The following PLPP4 variants were observed in gnomAD, a reference collection of about 807,000 sequenced individuals.
PLPP4 encodes phospholipid phosphatase 4.
In PLPP4, 20 loss-of-function variants were observed where a neutral mutation model predicts 32.2. The observed-to-expected ratio is 0.62, with a 90% CI of 0.44 to 0.90. PLPP4 has a LOEUF of 0.90. Ranked by LOEUF, PLPP4 falls within the 40% of genes least tolerant of loss-of-function variation. PLPP4 has a pLI of 0.00. For synonymous variants in PLPP4, 127 were observed against 133.0 expected (o/e 0.95, Z 0.31); for missense variants, 257 against 353.1 (o/e 0.73, Z 2.18).
chr10:120,462,553 C>T (rs947932553), intron 1 of PLPP4, among the ~76,000 whole-genome samples: 3 of 152,194 alleles, frequency 2.0e-5, no homozygotes, highest in Non-Finnish European at 4.4e-5. Flanking sequence ...TCCCCTGCTC[C>T]CAGCCTAGCC....
intron 1 of PLPP4, among the ~76,000 whole-genome samples, chr10:120,466,500 C>G (rs923467038): frequency 6.6e-6 from 1 of 152,140 alleles, no homozygotes; most frequent in Non-Finnish European, 1.5e-5. Context: ...AAAGAGCACA[C>G]GCTTTACGGC....
rs1236992290 is a variant in PLPP4 at position 120,591,341 on chromosome 10, T to A, written c.*1839T>A. 6.6e-6 allele frequency among the ~76,000 whole-genome samples: 1 copy of A among 151,782 alleles called. No homozygotes were observed. The highest frequency in any genetic ancestry group is 1.5e-5 in the Non-Finnish European group (1 of 67,950). On this transcript the variant is annotated 3_prime_UTR_variant, in exon 7 of 7. Transcript: ENST00000398250. ...TCATGTGATTGTCCCCTGGATGGAG[T>A]GGGAGAGGGGGAGGCTTGAATTGAC...
chr10:120,579,152 G>C (rs1849361854), intron 6 of PLPP4, among the ~76,000 whole-genome samples: 1 of 152,132 alleles, frequency 6.6e-6, no homozygotes, highest in Non-Finnish European at 1.5e-5. Flanking sequence ...TCAAGTCCCT[G>C]CACCTGAAAC....
chr10:120,507,406 C>CA (rs1246540696), intron 2 of PLPP4, among the ~76,000 whole-genome samples: 2 of 150,820 alleles, frequency 1.3e-5, no homozygotes, highest in Middle Eastern at 3.2e-3. Context: ...TCATCATCAA[C>CA]AACAGTAAAC....
rs771277249 is a variant in PLPP4, at chr10:120,575,186, C to G, written c.501C>G (p.Cys167Trp). ...TCTACTTGGCGGGCAAGCTGCACTG[C>G]TTCACCGAGAGTGGGCGGGGAAAGA... The part of the protein sequence containing the change: ...TTFYLAGKLH[C>W]FTESGRGKSW... Residue 167 changes from cysteine to tryptophan, a missense_variant, in exon 6 of 7, where the codon TGC (cysteine) becomes TGG (tryptophan). Physicochemically the swap from Cys to Trp is radical, Grantham distance 215. Coordinates refer to ENST00000398250, the MANE Select transcript of PLPP4 (RefSeq NM_001030059.3). The G allele has an allele frequency of 7.4e-6, 12 of 1,614,026 alleles. No individual in the cohort carries two copies. The highest frequency in any genetic ancestry group is 1.0e-5 in the Non-Finnish European group (12 of 1,180,036).
At position 120,467,387 on chromosome 10, in the gene PLPP4, G is replaced by T. The variant is rs1312902773; in HGVS notation, c.56+10026G>T. ...TTACAGGCGTGAGCCACCGCGCCCG[G>T]CCTGTGTAGGTATATTTTAATTGAC... On this transcript the variant is annotated intron_variant, in intron 1 of 6. Transcript: ENST00000398250. Among the ~76,000 whole-genome samples the T allele has an allele frequency of 3.6e-4, 23 of 64,548 alleles. 8 individuals are homozygous for T. Among genetic ancestry groups the T allele is most frequent in the African/African-American group, 7.6e-4 (23 of 30,174 alleles). 42.3% of individuals were successfully genotyped at this position (64,548 alleles called of 152,430 possible). A position where few individuals can be genotyped will look rare whatever the true frequency, so the allele number is the denominator to read the frequency against.
chr10:120,501,934 C>G (rs1428136209), intron 1 of PLPP4, among the ~76,000 whole-genome samples: 1 of 152,160 alleles, frequency 6.6e-6, no homozygotes, highest in Non-Finnish European at 1.5e-5. Flanking sequence ...TGGAGTAGCT[C>G]AGTTGGTGAG....
At chr10:120,509,571 T>C (rs189470293) in intron 2 of PLPP4, among the ~76,000 whole-genome samples, 6 of 152,214 alleles carry the variant, frequency 3.9e-5, no homozygotes, top group African/African-American at 1.4e-4. Flanking sequence ...ACTAAAGCTT[T>C]TGGGCTAAGG....
At chr10:120,518,773 T>C (rs570718715) in intron 3 of PLPP4, 60 bp from the exon 4 acceptor site, 129 of 1,275,370 alleles carry the variant, frequency 1.0e-4, no homozygotes, top group Non-Finnish European at 1.4e-4. Context: ...ATAATGATGA[T>C]GATGATTTTG....
rs112038172 is a variant in PLPP4 at position 120,535,862 on chromosome 10, G to A, written c.445+14767G>A. On this transcript the variant is annotated intron_variant, in intron 5 of 6. Coordinates refer to ENST00000398250, the MANE Select transcript of PLPP4 (RefSeq NM_001030059.3). ...TAAATTATAAAGGGATTGGATAGCA[G>A]CTATTTTGTGTGGTTTTCTTTTATT... Among the ~76,000 whole-genome samples the A allele has an allele frequency of 7.7e-3, 1,166 of 152,162 alleles. 15 individuals are homozygous for A. The highest frequency in any genetic ancestry group is 0.027 in the African/African-American group (1,126 of 41,542).
chr10:120,507,382 CATCATT>C (rs1564803383), intron 2 of PLPP4, among the ~76,000 whole-genome samples: 25 of 130,664 alleles, frequency 1.9e-4, no homozygotes, highest in South Asian at 1.8e-3. Flanking sequence ...TCATCATCAT[CATCATT>C]ATCATCATCA....
In PLPP4 at chr10:120,568,637, A is replaced by G. The variant is rs61871758; in HGVS notation, c.446-6494A>G. On this transcript the variant is annotated intron_variant, in intron 5 of 6. Coordinates refer to ENST00000398250, the MANE Select transcript of PLPP4 (RefSeq NM_001030059.3). ...CTCATTAAAATATCATCTTTATTTC[A>G]AACCTGCTCATGCTCATATCAGCTC... Among the ~76,000 whole-genome samples, 514 of 152,336 alleles carry G rather than the reference A, an allele frequency of 3.4e-3. 3 individuals carry two copies. The highest frequency in any genetic ancestry group is 3.8e-3 in the Non-Finnish European group (261 of 68,028).
intron 5 of PLPP4, among the ~76,000 whole-genome samples, chr10:120,544,213 A>C (rs769626048): frequency 2.0e-5 from 3 of 152,236 alleles, no homozygotes; most frequent in Non-Finnish European, 4.4e-5. Context: ...CCGCAGCTGC[A>C]TCATTTTACA....
chr10:120,512,524 A>G (rs191896850), intron 2 of PLPP4, among the ~76,000 whole-genome samples: 1 of 152,340 alleles, frequency 6.6e-6, no homozygotes, highest in African/African-American at 2.4e-5. Flanking sequence ...AGTCCCCGAG[A>G]TAATTTGAGC....
chr10:120,482,722 G>T (rs1459388899), intron 1 of PLPP4, among the ~76,000 whole-genome samples: 1 of 151,672 alleles, frequency 6.6e-6, no homozygotes, highest in East Asian at 1.9e-4. Flanking sequence ...GGCGAACAGG[G>T]TGAAACCCTG....
intron 1 of PLPP4, among the ~76,000 whole-genome samples, chr10:120,460,282 A>G (rs1399173109): frequency 6.6e-6 from 1 of 152,224 alleles, no homozygotes; most frequent in African/African-American, 2.4e-5. Context: ...TGGGCAGAGC[A>G]GGAAGGAGAA....
chr10:120,529,813 G>A (rs1409913050), intron 5 of PLPP4, among the ~76,000 whole-genome samples: 1 of 152,158 alleles, frequency 6.6e-6, no homozygotes, highest in African/African-American at 2.4e-5. Flanking sequence ...TTAAAAAGAA[G>A]CCAGGGATTG....
intron 5 of PLPP4, among the ~76,000 whole-genome samples, chr10:120,523,510 A>G (rs1846258906): frequency 6.6e-6 from 1 of 152,002 alleles, no homozygotes; most frequent in African/African-American, 2.4e-5. Flanking sequence ...CCTTGTTTCC[A>G]GGGAGTCCCA....
chr10:120,511,075 A>T (rs1845708173), intron 2 of PLPP4, among the ~76,000 whole-genome samples: 1 of 152,192 alleles, frequency 6.6e-6, no homozygotes, highest in African/African-American at 2.4e-5. Context: ...AGCAGTTGAT[A>T]GTGGTCCTAG....
Sources: allele counts gnomAD v4.1 joint callset (sites outside exome capture counted in the v4.1 genomes callset), GRCh38; gene constraint gnomAD v4.1.1; transcripts MANE v1.5; gene names NCBI Gene and HGNC (gene_info 2026-07-23, HGNC 2026-07-21).